The following LRBA variants were observed in gnomAD, a reference collection of about 807,000 sequenced individuals.
LRBA encodes the protein LPS responsive beige-like anchor protein, also known as lipopolysaccharide-responsive and beige-like anchor protein.
In LRBA, 176 loss-of-function variants were observed where a neutral mutation model predicts 330.0. The ratio of observed to expected loss-of-function variants is 0.53; its 90% CI spans 0.47 to 0.60. The LOEUF (loss-of-function observed/expected upper bound fraction) is 0.60, where lower values mean the gene tolerates loss of function less well. Ranked by LOEUF, LRBA falls within the 20% of genes least tolerant of loss-of-function variation. LRBA has a pLI of 0.00. For missense variants in LRBA, 3,259 were observed against 3,444.8 expected (o/e 0.95, Z 1.35); for synonymous variants, 1,230 against 1,193.0 (o/e 1.03, Z -0.64).
chr4:150,378,291 T>TCTCATTTA (rs1326957106), intron 47 of LRBA, among the ~76,000 whole-genome samples: 1 of 152,208 alleles, frequency 6.6e-6, no homozygotes, highest in Non-Finnish European at 1.5e-5. Context: ...TTTACTGCTG[T>TCTCATTTA]CTGCTGAACT....
chr4:150,534,961 T>C lies in LRBA; in HGVS notation c.6331-43926A>G, dbSNP rs1028770437. 2.7e-4 allele frequency among the ~76,000 whole-genome samples: 41 copies of C among 152,194 alleles called. 1 individual carries two copies. Among genetic ancestry groups the C allele is most frequent in the Admixed American group, 3.9e-4 (6 of 15,282 alleles). ...AAAACTGTGATTAAACTGATGAGAG[T>C]ACATTTCTTTTTAAAATCATTATTT... On this transcript the variant is annotated intron_variant, in intron 40 of 56. Coordinates refer to ENST00000651943, the MANE Select transcript of LRBA (RefSeq NM_001364905.1).
intron 2 of LRBA, among the ~76,000 whole-genome samples, chr4:150,996,816 T>C (rs1352634811): frequency 6.6e-6 from 1 of 152,128 alleles, no homozygotes; most frequent in Non-Finnish European, 1.5e-5. Context: ...CCAAATGCCA[T>C]CTTACTAACT....
chr4:150,349,188 T>C (rs1011919312), intron 48 of LRBA, among the ~76,000 whole-genome samples: 1 of 152,174 alleles, frequency 6.6e-6, no homozygotes, highest in Non-Finnish European at 1.5e-5. Context: ...TTAGTAGAAC[T>C]ATAAAAGAAT....
chr4:150,284,819 C>A (rs558051423), intron 54 of LRBA, among the ~76,000 whole-genome samples: 7 of 152,240 alleles, frequency 4.6e-5, no homozygotes, highest in African/African-American at 1.2e-4. Context: ...AGCCACCATG[C>A]CCAGCCTGAC....
chr4:150,463,108 G>A (rs1754987317), intron 44 of LRBA, among the ~76,000 whole-genome samples: 1 of 151,956 alleles, frequency 6.6e-6, no homozygotes, highest in South Asian at 2.1e-4. Context: ...TTCACTAAAT[G>A]CAGTTGATTC....
rs543881271 is a variant in LRBA, at chr4:150,607,722, CG to C, written c.5922-8592del. ...TTCAAGACCAGCCTGGCCAACATGG[CG>C]AAACCCTCTCTCTACAAAAGATACA... On this transcript the variant is annotated intron_variant, in intron 37 of 56. Coordinates refer to ENST00000651943, the MANE Select transcript of LRBA (RefSeq NM_001364905.1). Among the ~76,000 whole-genome samples the C allele has an allele frequency of 1.1e-3, 164 of 151,282 alleles. 1 individual carries two copies. Among genetic ancestry groups the C allele is most frequent in the African/African-American group, 3.1e-3 (129 of 41,204 alleles).
At chr4:150,764,409 T>C (rs1735484345) in intron 34 of LRBA, among the ~76,000 whole-genome samples, 1 of 151,840 alleles carries the variant, frequency 6.6e-6, no homozygotes. Context: ...TTAAATAATC[T>C]ACAAAAAATC....
At chr4:150,410,632 T>G (rs1746849502) in intron 47 of LRBA, among the ~76,000 whole-genome samples, 1 of 152,164 alleles carries the variant, frequency 6.6e-6, no homozygotes, top group Admixed American at 6.6e-5. Context: ...AAGCTTTCTG[T>G]TTCAACAAGG....
intron 36 of LRBA, among the ~76,000 whole-genome samples, chr4:150,704,287 A>G (rs970457563): frequency 8.5e-5 from 13 of 152,176 alleles, no homozygotes; most frequent in African/African-American, 2.9e-4. Context: ...TCATAATAAA[A>G]AGCCTAAAAT....
intron 2 of LRBA, chr4:151,013,001 G>A (rs1170293068): frequency 6.6e-6 from 1 of 152,104 alleles, no homozygotes; most frequent in Non-Finnish European, 1.5e-5. Flanking sequence ...CTAACCTCAA[G>A]TGATGTGCCC....
At chr4:150,394,853 G>C (rs1338461740) in intron 47 of LRBA, among the ~76,000 whole-genome samples, 2 of 152,120 alleles carry the variant, frequency 1.3e-5, no homozygotes, top group Non-Finnish European at 2.9e-5. Flanking sequence ...GTGGTCTGTA[G>C]GGAACAATCC....
At chr4:150,436,633 C>A in intron 45 of LRBA, 91 bp downstream of exon 45, 3 of 1,077,320 alleles carry the variant, frequency 2.8e-6, no homozygotes, top group South Asian at 1.8e-5. Context: ...TTTTAGTATT[C>A]AAAAAAATAT....
chr4:150,427,048 G>A (rs11936646), intron 46 of LRBA, among the ~76,000 whole-genome samples: 33,028 of 151,678 alleles, frequency 0.22, 4,423 homozygotes, highest in Non-Finnish European at 0.31. Context: ...TGTAACTGCC[G>A]TAAGAGAAGA....
chr4:150,986,346 G>A (rs183049945), intron 2 of LRBA, among the ~76,000 whole-genome samples: 1 of 152,222 alleles, frequency 6.6e-6, no homozygotes, highest in Admixed American at 6.5e-5. Flanking sequence ...TCAGATCAGT[G>A]GTAGCATTAG....
chr4:150,538,258 C>A (rs1764896289), intron 40 of LRBA, among the ~76,000 whole-genome samples: 1 of 152,124 alleles, frequency 6.6e-6, no homozygotes, highest in Non-Finnish European at 1.5e-5. Context: ...AACAGAACTA[C>A]CATTTGACCC....
chr4:150,528,805 A>G (rs1055601764), intron 40 of LRBA, among the ~76,000 whole-genome samples: 2 of 152,232 alleles, frequency 1.3e-5, no homozygotes, highest in South Asian at 4.1e-4. Context: ...GTTTTAAAAC[A>G]AACATAAAAG....
Position 150,583,797 on chromosome 4 carries a change from T to A in LRBA, c.6330+4251A>T, listed in dbSNP as rs750992564. The A allele has an allele frequency of 6.2e-7, 1 of 1,614,188 alleles. No homozygotes were observed. The highest frequency in any genetic ancestry group is 1.1e-5 in the South Asian group (1 of 91,080). On this transcript the variant is annotated intron_variant, in intron 40 of 56. Coordinates refer to ENST00000651943, the MANE Select transcript of LRBA (RefSeq NM_001364905.1). This position sits in a 1 kb window ranked among gnomAD's most constrained non-coding sequence, Gnocchi z 9.8. ...ACAAGTGCCTCTCAGTGCTGAAGAC[T>A]CTGCGGGACCGCCACCTGGAGCTAC... is the stretch of plus-strand genomic sequence containing the variant.
chr4:150,469,919 AC>A (rs1440816712), intron 43 of LRBA, among the ~76,000 whole-genome samples: 7 of 152,192 alleles, frequency 4.6e-5, no homozygotes, highest in Admixed American at 1.3e-4. Context: ...GTGGTGGCTC[AC>A]GCCTGTAATC....
chr4:150,464,912 A>C (rs2152057010), intron 44 of LRBA, among the ~76,000 whole-genome samples: 1 of 152,200 alleles, frequency 6.6e-6, no homozygotes, highest in Admixed American at 6.6e-5. Flanking sequence ...TGGTGGCAAA[A>C]TATACATAAC....
Sources: gnomAD v4.1 joint callset for allele counts (sites outside exome capture counted in the v4.1 genomes callset) on GRCh38, gnomAD v4.1.1 for gene constraint, Gnocchi (gnomAD v3.1) non-coding constraint, MANE v1.5 for transcripts, NCBI Gene and HGNC (gene_info 2026-07-23, HGNC 2026-07-21) for gene names.